The following LGSN variants were observed in gnomAD, a reference collection of about 807,000 sequenced individuals.
LGSN encodes lengsin.
Under a neutral mutation model 19.5 loss-of-function variants are expected in LGSN, and 21 were observed. That is an observed-to-expected ratio of 1.07 (90% CI 0.76 to 1.55). The LOEUF (loss-of-function observed/expected upper bound fraction) is 1.55. Ranked by LOEUF, LGSN falls within the 40% of genes most tolerant of loss-of-function variation. The probability of loss-of-function intolerance (pLI) is 0.00; values close to 1 mark genes in which losing one functional copy is unlikely to be tolerated. For synonymous variants in LGSN, 257 were observed against 215.6 expected (o/e 1.19, Z -1.68); for missense variants, 673 against 608.5 (o/e 1.11, Z -1.12).
At chr6:63,564,634 C>T in the LGSN span, among the ~76,000 whole-genome samples, 4 of 152,150 alleles carry the variant, frequency 2.6e-5, 1 homozygote, top group Admixed American at 2.6e-4. Flanking sequence ...CATATCCAAC[C>T]TTTAAAATTT....
chr6:63,538,076 G>A, the LGSN span, among the ~76,000 whole-genome samples: 6 of 152,194 alleles, frequency 3.9e-5, no homozygotes, highest in African/African-American at 1.4e-4. Context: ...GCAAAATAGT[G>A]GGAAAATTTT....
chr6:63,512,822 GT>G, the LGSN span, among the ~76,000 whole-genome samples: 1 of 152,158 alleles, frequency 6.6e-6, no homozygotes, highest in East Asian at 1.9e-4. Context: ...CTACCCACAA[GT>G]TTTGGTATGA....
the LGSN span, among the ~76,000 whole-genome samples, chr6:63,552,195 C>T: frequency 1.3e-5 from 2 of 152,294 alleles, no homozygotes; most frequent in Non-Finnish European, 1.5e-5. Context: ...CACATCCTCT[C>T]CAGCACCTGT....
the LGSN span, among the ~76,000 whole-genome samples, chr6:63,560,118 A>G: frequency 1.3e-5 from 2 of 152,118 alleles, no homozygotes; most frequent in African/African-American, 2.4e-5. Context: ...ATAAAAATGA[A>G]TTACTTGAAA....
At position 63,280,191 on chromosome 6, in the gene LGSN, C is replaced by T. The variant is rs1164976956; in HGVS notation, c.1360G>A (p.Glu454Lys). 6 of 1,614,224 alleles carry T rather than the reference C, an allele frequency of 3.7e-6. No individual in the cohort carries two copies. Among genetic ancestry groups the T allele is most frequent in the Non-Finnish European group, 5.1e-6 (6 of 1,180,038 alleles). ...STDFYQVEPSEIPLKLEDALV... is the reference protein window; with the variant it reads ...STDFYQVEPSKIPLKLEDALV... ...GCATCTTCTAGTTTTAAAGGGATCT[C>T]AGAAGGTTCCACTTGGTAAAAGTCT... is the stretch of plus-strand genomic sequence containing the variant. Residue 454 changes from glutamate to lysine, a missense_variant, in exon 4 of 4, where the codon GAG becomes AAG. Physicochemically the swap from Glu to Lys is moderately conservative, Grantham distance 56 (BLOSUM62 1). Transcript: ENST00000370657.
At chr6:63,444,898 G>A in the LGSN span, among the ~76,000 whole-genome samples, 4 of 152,286 alleles carry the variant, frequency 2.6e-5, no homozygotes, top group East Asian at 1.9e-4. Flanking sequence ...GCCAACCAAC[G>A]AAAGGCTGGA....
At chr6:63,561,015 T>C in the LGSN span, among the ~76,000 whole-genome samples, 1 of 152,220 alleles carries the variant, frequency 6.6e-6, no homozygotes, top group Non-Finnish European at 1.5e-5. Flanking sequence ...GCCAGTGCCT[T>C]TGTAATGGAA....
chr6:63,300,452 AC>A (rs1768140953), intron 1 of LGSN, among the ~76,000 whole-genome samples: 1 of 152,184 alleles, frequency 6.6e-6, no homozygotes, highest in Non-Finnish European at 1.5e-5. Context: ...GCATCACTTG[AC>A]CCCAGGAATT....
the LGSN span, among the ~76,000 whole-genome samples, chr6:63,533,160 T>A: frequency 6.6e-6 from 1 of 152,182 alleles, no homozygotes; most frequent in Non-Finnish European, 1.5e-5. Context: ...GGCAGGTGGG[T>A]CACTTGAGGT....
chr6:63,422,901 C>T, the LGSN span, among the ~76,000 whole-genome samples: 1 of 151,848 alleles, frequency 6.6e-6, no homozygotes, highest in Non-Finnish European at 1.5e-5. Flanking sequence ...GTTTAAATAC[C>T]CCAATTAAAA....
chr6:63,362,767 G>C, the LGSN span, among the ~76,000 whole-genome samples: 2 of 152,194 alleles, frequency 1.3e-5, no homozygotes, highest in South Asian at 4.1e-4. Context: ...TCCACCTCTG[G>C]GGGCAGGGCA....
At chr6:63,352,655 CCT>C in the LGSN span, among the ~76,000 whole-genome samples, 211 of 149,368 alleles carry the variant, frequency 1.4e-3, no homozygotes, top group South Asian at 1.9e-3. Flanking sequence ...TCTCTCTCTT[CCT>C]CTCTCTCTCT....
At chr6:63,474,425 G>A in the LGSN span, among the ~76,000 whole-genome samples, 2 of 151,800 alleles carry the variant, frequency 1.3e-5, no homozygotes, top group Non-Finnish European at 2.9e-5. Flanking sequence ...TGGCTAACAT[G>A]GTGAAACCCC....
At chr6:63,568,572 CAG>C in the LGSN span, among the ~76,000 whole-genome samples, 1 of 151,336 alleles carries the variant, frequency 6.6e-6, no homozygotes, top group Non-Finnish European at 1.5e-5. Flanking sequence ...AGATGTAACA[CAG>C]AGACATGAAA....
intron 1 of LGSN, among the ~76,000 whole-genome samples, chr6:63,309,673 T>C (rs1422190656): frequency 6.6e-6 from 1 of 152,218 alleles, no homozygotes; most frequent in Admixed American, 6.5e-5. Context: ...ATCTAGCTAA[T>C]TAAATATGCA....
chr6:63,452,042 T>C, the LGSN span, among the ~76,000 whole-genome samples: 8 of 143,942 alleles, frequency 5.6e-5, no homozygotes, highest in Non-Finnish European at 9.1e-5. Context: ...TATTAGAATT[T>C]TGTTTTCTTG....
chr6:63,418,982 G>A, the LGSN span, among the ~76,000 whole-genome samples: 86 of 152,254 alleles, frequency 5.6e-4, no homozygotes, highest in African/African-American at 1.9e-3. Flanking sequence ...TTTCCCCACT[G>A]GGGTGGTGCC....
rs556886901 is a variant in LGSN at position 63,285,652 on chromosome 6, G to T, written c.265C>A (p.Arg89=). The change falls in exon 3 of 4, where the codon CGA becomes AGA. Residue 89 remains arginine, a synonymous_variant. Transcript: ENST00000370657. The part of the protein sequence containing the change: ...AMAKNRLQFV[R]FEATDLHGVS... Reference sequence around the variant, plus strand: ...CCGTGGAGGTCTGTTGCTTCAAATCGTACAAACTGGAGGCGATTTTTGGCC... The same window carrying T: ...CCGTGGAGGTCTGTTGCTTCAAATCTTACAAACTGGAGGCGATTTTTGGCC... 6.2e-7 allele frequency: 1 copy of T among 1,613,890 alleles called. No homozygotes were observed. Among genetic ancestry groups the T allele is most frequent in the East Asian group, 2.2e-5 (1 of 44,868 alleles).
chr6:63,289,651 A>G (rs1229800240), intron 2 of LGSN, among the ~76,000 whole-genome samples: 1 of 152,076 alleles, frequency 6.6e-6, no homozygotes, highest in African/African-American at 2.4e-5. Context: ...TTAAAGCTCT[A>G]TAGCAACTAG....
Sources: allele counts gnomAD v4.1 joint callset (sites outside exome capture counted in the v4.1 genomes callset), GRCh38; gene constraint gnomAD v4.1.1; transcripts MANE v1.5; gene names NCBI Gene and HGNC (gene_info 2026-07-23, HGNC 2026-07-21).